Variants in NUF2 observed in about 807,000 individuals in gnomAD.
NUF2 encodes NUF2 component of NDC80 kinetochore complex, also known as kinetochore protein Nuf2.
A neutral mutation model predicts 61.8 loss-of-function variants in NUF2; 34 were observed. The observed-to-expected ratio is 0.55, with a 90% CI of 0.42 to 0.73. The LOEUF (loss-of-function observed/expected upper bound fraction) is 0.73. Ranked by LOEUF, NUF2 falls within the 30% of genes least tolerant of loss-of-function variation. NUF2 has a pLI of 0.00. For synonymous variants in NUF2, 172 were observed against 181.6 expected (o/e 0.95, Z 0.42); for missense variants, 445 against 539.1 (o/e 0.83, Z 1.73).
At chr1:163,331,955 G>A (rs1414330761) in intron 5 of NUF2, among the ~76,000 whole-genome samples, 1 of 150,758 alleles carries the variant, frequency 6.6e-6, no homozygotes, top group African/African-American at 2.4e-5. Flanking sequence ...CTGTATTTCT[G>A]GTTTTTGATT....
Position 163,340,347 on chromosome 1 carries a change from T to C in NUF2, c.607-17T>C. The C allele has an allele frequency of 6.3e-7, 1 of 1,594,906 alleles. No individual in the cohort carries two copies. Among genetic ancestry groups the C allele is most frequent in the Non-Finnish European group, 8.6e-7 (1 of 1,167,530 alleles). On this transcript the variant is annotated splice_polypyrimidine_tract_variant and intron_variant, in intron 8 of 13. Coordinates refer to ENST00000271452, the MANE Select transcript of NUF2 (RefSeq NM_145697.3). Reference sequence around the variant, plus strand: ...ATGTTTTGAATCATTATAAAACGTGTTTGCTTTTTCCCTTAGATAGTGCTG... The same window carrying C: ...ATGTTTTGAATCATTATAAAACGTGCTTGCTTTTTCCCTTAGATAGTGCTG...
At chr1:163,329,527 C>A (rs1372020628) in intron 5 of NUF2, among the ~76,000 whole-genome samples, 3 of 152,108 alleles carry the variant, frequency 2.0e-5, no homozygotes, top group South Asian at 4.1e-4. Flanking sequence ...TTTGGGGAGG[C>A]CTCTGGAAGC....
chr1:163,338,030 C>A lies in NUF2; in HGVS notation c.446C>A (p.Ala149Glu), dbSNP rs139996430. ...AAATTGCTTTAATAGAAATCCTCTG[C>A]GGACAAAATGCAACAGTTAAACGCC... is the stretch of plus-strand genomic sequence containing the variant. ...MEFLWQYKSS[A>E]DKMQQLNAAH... Residue 149 changes from alanine to glutamate, a missense_variant, in exon 7 of 14, where the codon GCG (alanine) becomes GAG (glutamate). Ala to Glu is a moderately radical substitution (Grantham distance 107). Coordinates refer to ENST00000271452, the MANE Select transcript of NUF2 (RefSeq NM_145697.3). 7 of 1,612,148 alleles carry A rather than the reference C, an allele frequency of 4.3e-6. No individual in the cohort carries two copies. The highest frequency in any genetic ancestry group is 2.7e-5 in the African/African-American group (2 of 74,770).
At chr1:163,338,317 T>C (rs1425398616) in intron 7 of NUF2, among the ~76,000 whole-genome samples, 1 of 151,914 alleles carries the variant, frequency 6.6e-6, no homozygotes, top group African/African-American at 2.4e-5. Flanking sequence ...GTTGTTGTTG[T>C]TGTTAGTGTG....
At chr1:163,343,961 A>T in intron 10 of NUF2, 91 bp downstream of exon 10, 1 of 746,368 alleles carries the variant, frequency 1.3e-6, no homozygotes, top group Non-Finnish European at 1.9e-6. Flanking sequence ...TGGATTTCTG[A>T]ATTATCTATA....
intron 5 of NUF2, among the ~76,000 whole-genome samples, chr1:163,330,968 C>T (rs1650577927): frequency 6.8e-6 from 1 of 146,964 alleles, no homozygotes; most frequent in Non-Finnish European, 1.5e-5. Context: ...TCCTTATTGA[C>T]AATTCTCAAT....
At chr1:163,346,034 TAAC>T (rs1651113324) in intron 11 of NUF2, 1 of 372,314 alleles carries the variant, frequency 2.7e-6, no homozygotes. Flanking sequence ...AAATTAATAA[TAAC>T]TAACCCATCA....
chr1:163,328,454 G>A (rs547956776), intron 4 of NUF2, 150 bp downstream of exon 4: 81 of 532,496 alleles, frequency 1.5e-4, no homozygotes, highest in African/African-American at 1.4e-3. Flanking sequence ...TTTCAAAATT[G>A]TAGACTGTCA....
intron 1 of NUF2, among the ~76,000 whole-genome samples, chr1:163,324,688 T>G (rs1199772709): frequency 6.6e-6 from 1 of 152,136 alleles, no homozygotes; most frequent in African/African-American, 2.4e-5. Context: ...GCAATAACAG[T>G]GGCTGCTATT....
At chr1:163,322,575 T>C (rs935501703) in intron 1 of NUF2, among the ~76,000 whole-genome samples, 6 of 152,246 alleles carry the variant, frequency 3.9e-5, no homozygotes, top group African/African-American at 1.4e-4. Context: ...TTGTTCCTTT[T>C]AAAAGTTCAA....
chr1:163,348,914 T>C (rs1191874559), intron 12 of NUF2, 31 bp from the exon 13 acceptor site: 1 of 1,596,942 alleles, frequency 6.3e-7, no homozygotes, highest in Non-Finnish European at 8.5e-7. Context: ...CTGAAGAGGA[T>C]TAAATATTAG....
chr1:163,323,163 T>C (rs1650295642), intron 1 of NUF2: 1 of 152,210 alleles, frequency 6.6e-6, no homozygotes, highest in Admixed American at 6.5e-5. Context: ...AGGATTAATC[T>C]GATAGCAGAG....
intron 5 of NUF2, among the ~76,000 whole-genome samples, chr1:163,332,707 G>GTA (rs1390864738): frequency 3.3e-5 from 5 of 151,994 alleles, no homozygotes; most frequent in Non-Finnish European, 7.4e-5. Context: ...TATTTTCTGT[G>GTA]TATAGTCCAA....
At chr1:163,344,239 G>GT (rs1651044578) in intron 10 of NUF2, among the ~76,000 whole-genome samples, 2 of 152,222 alleles carry the variant, frequency 1.3e-5, no homozygotes, top group Admixed American at 1.3e-4. Flanking sequence ...GTATGCATGT[G>GT]TGTAGGTAGG....
chr1:163,322,014 C>T lies in NUF2; in HGVS notation c.-219C>T, dbSNP rs914534160. 4 of 152,282 alleles carry T rather than the reference C, an allele frequency of 2.6e-5. No individual in the cohort carries two copies. The East Asian group carries it at 7.7e-4, about 29-fold the overall frequency. The allele number at this position is 152,282 out of a possible 1,614,324, so 9.4% of individuals were successfully genotyped here. On this transcript the variant is annotated 5_prime_UTR_variant, in exon 1 of 14. Coordinates refer to ENST00000271452, the MANE Select transcript of NUF2 (RefSeq NM_145697.3). ...TGACGTTTGCTGATTTTTGACTTTG[C>T]TTGTAGCTGCTCCCCGAACTCGCCG... is the stretch of plus-strand genomic sequence containing the variant.
chr1:163,343,172 T>C (rs933675841), intron 9 of NUF2, among the ~76,000 whole-genome samples: 2 of 152,224 alleles, frequency 1.3e-5, no homozygotes, highest in African/African-American at 4.8e-5. Flanking sequence ...AGTGAGCACC[T>C]TCTCAGTGCT....
At chr1:163,336,624 T>C (rs1650767788) in intron 5 of NUF2, 127 bp from the exon 6 acceptor site, 1 of 505,488 alleles carries the variant, frequency 2.0e-6, no homozygotes, top group Non-Finnish European at 3.5e-6. Context: ...TTTCTACACT[T>C]TGTTATATCC....
Position 163,327,524 on chromosome 1 carries a change from C to A in NUF2, c.160C>A (p.Gln54Lys). The A allele has an allele frequency of 6.2e-7, 1 of 1,612,342 alleles. No homozygotes were observed. The highest frequency in any genetic ancestry group is 8.5e-7 in the Non-Finnish European group (1 of 1,178,626). The stretch of plus-strand genomic sequence containing the variant: ...GCACATGATCTACATGAGAGCCTTA[C>A]AAATAGTATATGGAATTCGACTGGA... ...VLHMIYMRAL[Q>K]IVYGIRLEHF... is the part of the protein sequence containing the mutation. The change falls in exon 3 of 14, where the codon CAA becomes AAA. Residue 54 changes from glutamine to lysine, a missense_variant. Transcript: ENST00000271452.
intron 5 of NUF2, among the ~76,000 whole-genome samples, chr1:163,331,067 T>A (rs1435024785): frequency 6.6e-6 from 1 of 151,092 alleles, no homozygotes; most frequent in Non-Finnish European, 1.5e-5. Flanking sequence ...CTGGGACTTT[T>A]AGTATAATGT....
Sources: allele counts gnomAD v4.1 joint callset (sites outside exome capture counted in the v4.1 genomes callset), GRCh38; gene constraint gnomAD v4.1.1; transcripts MANE v1.5; gene names NCBI Gene and HGNC (gene_info 2026-07-23, HGNC 2026-07-21).